The following TBC1D22B variants were observed in gnomAD, a reference collection of about 807,000 sequenced individuals.
The protein encoded by TBC1D22B is chromosome 6 open reading frame 197.
TBC1D22B carries 32 observed loss-of-function variants against 69.1 expected under a neutral mutation model. The ratio of observed to expected loss-of-function variants is 0.46; its 90% CI spans 0.35 to 0.62. The LOEUF is 0.62. TBC1D22B is among the 20% of genes least tolerant of loss of function. The pLI, the probability that TBC1D22B is intolerant of heterozygous loss-of-function variation, is 0.00. For missense variants in TBC1D22B, 462 were observed against 630.9 expected, an observed-to-expected ratio of 0.73 and a Z score of 2.87; for synonymous variants, 206 against 229.8, an observed-to-expected ratio of 0.90 and a Z score of 0.94.
At chr6:37,289,315 A>G (rs181705653) in intron 7 of TBC1D22B, among the ~76,000 whole-genome samples, 1 of 152,354 alleles carries the variant, frequency 6.6e-6, no homozygotes, top group African/African-American at 2.4e-5. Context: ...TACCCACACT[A>G]GTAGAAGAGA....
rs1047098452 is a variant in TBC1D22B at position 37,327,395 on chromosome 6, G to T, written c.1390-3649G>T. ...CGGGAGGCTGAGGCAGGAGAATGGCGTGAACCCGGGAGGCGGAGCTTGCAG... is the reference window on the plus strand; with the variant it reads ...CGGGAGGCTGAGGCAGGAGAATGGCTTGAACCCGGGAGGCGGAGCTTGCAG... On this transcript the variant is annotated intron_variant, in intron 12 of 12. Transcript: ENST00000373491. 5.1e-5 allele frequency among the ~76,000 whole-genome samples: 6 copies of T among 117,462 alleles called. No individual in the cohort carries two copies. In the Admixed American group the frequency reaches 5.5e-4, roughly 11 times the overall value. 77.1% of individuals were successfully genotyped at this position (117,462 alleles called of 152,430 possible).
At position 37,291,394 on chromosome 6, in the gene TBC1D22B, C is replaced by T. The variant is rs777422686; in HGVS notation, c.982+37C>T. On this transcript the variant is annotated intron_variant, in intron 8 of 12. Transcript: ENST00000373491. Reference sequence around the variant, plus strand: ...TAGTACCAAGCTGAACAAGCTATTGCTCTTTCTTATCTGCCGTCTGTCTGT... The same window carrying T: ...TAGTACCAAGCTGAACAAGCTATTGTTCTTTCTTATCTGCCGTCTGTCTGT... The T allele has an allele frequency of 2.8e-6, 4 of 1,407,762 alleles. No homozygotes were observed. The South Asian group carries it at 3.9e-5, about 14-fold the overall frequency. The allele number at this position is 1,407,762 out of a possible 1,614,324, so 87.2% of individuals were successfully genotyped here. A position where few individuals can be genotyped will look rare whatever the true frequency, so the allele number is the denominator to read the frequency against.
rs1765872780 is a variant in TBC1D22B, at chr6:37,257,983, G to A, written c.56+10G>A. 2 of 1,613,958 alleles carry A rather than the reference G, an allele frequency of 1.2e-6. No homozygotes were observed. Among genetic ancestry groups the A allele is most frequent in the East Asian group, 2.2e-5 (1 of 44,878 alleles). On this transcript the variant is annotated intron_variant, in intron 1 of 12. Coordinates refer to ENST00000373491, the MANE Select transcript of TBC1D22B (RefSeq NM_017772.4). ...CTAAGCTGCCGGGGAGGTGAGCCCA[G>A]GACGCTGAGAGGGATAGGGGATTGG...
At position 37,275,402 on chromosome 6, in the gene TBC1D22B, A is replaced by G. The variant is rs150728032; in HGVS notation, c.114-3902A>G. ...GCTGTGTATAGTTGGGGAGAATTAT[A>G]GCTGTGGTGGTATGTGGCTTGGTTT... On this transcript the variant is annotated intron_variant, in intron 2 of 12. Coordinates refer to ENST00000373491, the MANE Select transcript of TBC1D22B (RefSeq NM_017772.4). 1.4e-4 allele frequency among the ~76,000 whole-genome samples: 21 copies of G among 152,072 alleles called. No individual in the cohort carries two copies. In the East Asian group the frequency reaches 3.7e-3, roughly 27 times the overall value.
At chr6:37,260,298 G>A (rs764928847) in intron 1 of TBC1D22B, among the ~76,000 whole-genome samples, 19 of 152,108 alleles carry the variant, frequency 1.2e-4, no homozygotes, top group Admixed American at 3.3e-4. Context: ...TGCAAACTTG[G>A]AAATGAAACT....
intron 12 of TBC1D22B, among the ~76,000 whole-genome samples, chr6:37,319,039 A>G (rs1768164160): frequency 6.6e-6 from 1 of 152,236 alleles, no homozygotes; most frequent in African/African-American, 2.4e-5. Context: ...ATCCCTGAGC[A>G]TTACCACTCT....
At chr6:37,277,845 ACTT>A (rs1338396575) in intron 2 of TBC1D22B, among the ~76,000 whole-genome samples, 3 of 152,064 alleles carry the variant, frequency 2.0e-5, no homozygotes, top group Non-Finnish European at 2.9e-5. Context: ...AATAAGAAGA[ACTT>A]CTGGGCGTGG....
intron 2 of TBC1D22B, among the ~76,000 whole-genome samples, chr6:37,274,967 G>A (rs59230765): frequency 0.031 from 4,791 of 152,260 alleles, 231 homozygotes; most frequent in African/African-American, 0.11. Flanking sequence ...CAAGAGAATC[G>A]CTTGAACCCG....
intron 8 of TBC1D22B, among the ~76,000 whole-genome samples, chr6:37,300,629 C>T (rs1026959141): frequency 7.2e-5 from 11 of 151,954 alleles, no homozygotes; most frequent in African/African-American, 1.9e-4. Context: ...CCCAAAACAC[C>T]GGGATTACAG....
intron 3 of TBC1D22B, among the ~76,000 whole-genome samples, chr6:37,279,984 G>A (rs1766776397): frequency 6.6e-6 from 1 of 152,226 alleles, no homozygotes; most frequent in African/African-American, 2.4e-5. Flanking sequence ...GTTAGTGGCT[G>A]AATTTCACAA....
intron 3 of TBC1D22B, 149 bp downstream of exon 3, chr6:37,279,760 G>C (rs960498111): frequency 2.2e-6 from 2 of 904,912 alleles, no homozygotes; most frequent in Admixed American, 3.0e-5. Flanking sequence ...CATTAAGCCT[G>C]AGTGGTCACA....
rs1768088631 is a variant in TBC1D22B at position 37,316,644 on chromosome 6, T to C, written c.1166-59T>C. Reference sequence around the variant, plus strand: ...AAGTGGGAGCTGCTATTTTGGCTCCTGTGGCCCTTTCAGGGTCCAGTCCCC... The same window carrying C: ...AAGTGGGAGCTGCTATTTTGGCTCCCGTGGCCCTTTCAGGGTCCAGTCCCC... On this transcript the variant is annotated intron_variant, in intron 10 of 12. Coordinates refer to ENST00000373491, the MANE Select transcript of TBC1D22B (RefSeq NM_017772.4). 13 of 1,607,972 alleles carry C rather than the reference T, an allele frequency of 8.1e-6. No individual in the cohort carries two copies. The South Asian group carries it at 1.4e-4, about 18-fold the overall frequency.
chr6:37,279,607 C>T lies in TBC1D22B; in HGVS notation c.417C>T (p.Asn139=), dbSNP rs1766764256. The T allele has an allele frequency of 3.1e-6, 5 of 1,608,804 alleles. No homozygotes were observed. The highest frequency in any genetic ancestry group is 3.4e-6 in the Non-Finnish European group (4 of 1,176,828). Residue 139 remains asparagine, a synonymous_variant, in exon 3 of 13, where the codon AAC becomes AAT. Transcript: ENST00000373491. ...KSSSDAQLSR[N]SSDTCLRNPL... is the part of the protein sequence containing the mutation. ...GCAGTGATGCCCAGCTGTCCAGAAACTCTAGTAAGTCCTTCCTGCTCCCTT... is the reference window on the plus strand; with the variant it reads ...GCAGTGATGCCCAGCTGTCCAGAAATTCTAGTAAGTCCTTCCTGCTCCCTT...
At chr6:37,317,477 T>C (rs1768116735) in intron 12 of TBC1D22B, among the ~76,000 whole-genome samples, 2 of 152,314 alleles carry the variant, frequency 1.3e-5, no homozygotes, top group African/African-American at 2.4e-5. Flanking sequence ...CTGACAAGCA[T>C]TTATTGAATG....
chr6:37,267,997 G>A (rs115015523), intron 1 of TBC1D22B, among the ~76,000 whole-genome samples: 1 of 152,140 alleles, frequency 6.6e-6, no homozygotes, highest in Admixed American at 6.5e-5. Flanking sequence ...TGCCTCAAAT[G>A]TAAGACCTAG....
intron 2 of TBC1D22B, among the ~76,000 whole-genome samples, chr6:37,270,836 C>T (rs1766463337): frequency 6.6e-6 from 1 of 152,164 alleles, no homozygotes; most frequent in Non-Finnish European, 1.5e-5. Flanking sequence ...TCTTCCTTCA[C>T]AGTCAATAGG....
At chr6:37,271,834 T>C (rs905069752) in intron 2 of TBC1D22B, among the ~76,000 whole-genome samples, 11 of 148,614 alleles carry the variant, frequency 7.4e-5, no homozygotes, top group African/African-American at 2.7e-4. Flanking sequence ...GCTGTTCTTG[T>C]CTGCAAGGTG....
At chr6:37,313,351 G>A (rs1032837330) in intron 9 of TBC1D22B, among the ~76,000 whole-genome samples, 14 of 152,114 alleles carry the variant, frequency 9.2e-5, no homozygotes, top group African/African-American at 1.4e-4. Context: ...TTAGCCAGGC[G>A]TGGTGGCGTG....
At chr6:37,282,086 C>A in intron 3 of TBC1D22B, 99 bp from the exon 4 acceptor site, 1 of 1,404,062 alleles carries the variant, frequency 7.1e-7, no homozygotes, top group Non-Finnish European at 1.0e-6. Context: ...CAGCCACACC[C>A]TTGGGGAGGA....
Sources: allele counts gnomAD v4.1 joint callset (sites outside exome capture counted in the v4.1 genomes callset), GRCh38; gene constraint gnomAD v4.1.1; transcripts MANE v1.5; gene names NCBI Gene and HGNC (gene_info 2026-07-23, HGNC 2026-07-21).